The following CCDC30 variants were observed in gnomAD, a reference collection of about 807,000 sequenced individuals.
The protein encoded by CCDC30 is coiled-coil domain-containing protein 30.
CCDC30 carries 70 observed loss-of-function variants against 100.2 expected under a neutral mutation model. The observed-to-expected ratio is 0.70, with a 90% confidence interval of 0.58 to 0.85. The LOEUF is 0.85. Ranked by LOEUF, CCDC30 falls within the 40% of genes least tolerant of loss-of-function variation. CCDC30 has a pLI of 0.00. For missense variants in CCDC30, 652 were observed against 771.2 expected (o/e 0.85, Z 1.83); for synonymous variants, 233 against 269.5 (o/e 0.86, Z 1.33).
At chr1:42,608,399 G>T (rs895165615) in intron 10 of CCDC30, among the ~76,000 whole-genome samples, 2 of 152,174 alleles carry the variant, frequency 1.3e-5, no homozygotes, top group Non-Finnish European at 2.9e-5. Flanking sequence ...TATAGAAAAA[G>T]CTGTGAAAGC....
chr1:42,646,007 T>C, intron 14 of CCDC30, 128 bp from the exon 19 acceptor site: 12 of 1,256,596 alleles, frequency 9.5e-6, no homozygotes, highest in Non-Finnish European at 1.3e-5. Flanking sequence ...TGAATGAAGA[T>C]AAGAATGGTC....
intron 8 of CCDC30, among the ~76,000 whole-genome samples, chr1:42,580,460 G>T (rs1331662717): frequency 6.6e-6 from 1 of 152,106 alleles, no homozygotes; most frequent in Non-Finnish European, 1.5e-5. Context: ...TGTTGGGTCA[G>T]AAATATATTA....
intron 10 of CCDC30, among the ~76,000 whole-genome samples, chr1:42,606,037 A>T (rs1200368010): frequency 2.6e-5 from 4 of 152,222 alleles, no homozygotes; most frequent in African/African-American, 9.6e-5. Flanking sequence ...GTGAAAGCGT[A>T]TATGTAGATA....
intron 5 of CCDC30, 59 bp downstream of exon 5, chr1:42,497,272 C>A: frequency 1.0e-6 from 1 of 983,862 alleles, no homozygotes; most frequent in Non-Finnish European, 1.3e-6. Context: ...CAATCAACAG[C>A]ATAAGCAACA....
At chr1:42,637,701 C>T (rs989913502) in intron 12 of CCDC30, among the ~76,000 whole-genome samples, 2 of 152,198 alleles carry the variant, frequency 1.3e-5, no homozygotes, top group Non-Finnish European at 2.9e-5. Flanking sequence ...CTCATTTCTG[C>T]TTTGTGGAGC....
chr1:42,536,053 G>A (rs12561916), intron 6 of CCDC30, among the ~76,000 whole-genome samples: 60,525 of 151,314 alleles, frequency 0.4, 12,674 homozygotes, highest in East Asian at 0.6. Context: ...GGGGTCCTAG[G>A]AAAACAAAAT....
chr1:42,550,729 G>A (rs1000142128), intron 6 of CCDC30, among the ~76,000 whole-genome samples: 3 of 152,174 alleles, frequency 2.0e-5, no homozygotes. Flanking sequence ...ATTTGTTTGT[G>A]TGTTTGTTTC....
chr1:42,573,722 A>G lies in CCDC30; in HGVS notation c.637-3298A>G, dbSNP rs143920602. ...TGTTTTTATAGCTTTTTAAAAATAG[A>G]TATTTTATCCAAATGTACTTTAGAA... is the stretch of plus-strand genomic sequence containing the variant. On this transcript the variant is annotated intron_variant, in intron 7 of 16. Coordinates refer to ENST00000668663, the Ensembl canonical transcript of CCDC30. Among the ~76,000 whole-genome samples the G allele has an allele frequency of 1.1e-3, 172 of 152,208 alleles. 2 individuals carry two copies. The highest frequency in any genetic ancestry group is 3.8e-3 in the African/African-American group (160 of 41,582).
intron 2 of CCDC30, among the ~76,000 whole-genome samples, chr1:42,482,183 A>G (rs1394712486): frequency 8.7e-5 from 13 of 149,426 alleles, no homozygotes; most frequent in Non-Finnish European, 1.8e-4. Flanking sequence ...AGACTGTGCC[A>G]TTGCCCTCTA....
intron 1 of CCDC30, among the ~76,000 whole-genome samples, chr1:42,479,565 T>TAAAAAAAAAAAAAAAAAAAAAA (rs150749741): frequency 7.1e-6 from 1 of 139,952 alleles, no homozygotes; most frequent in African/African-American, 2.7e-5. Flanking sequence ...AGACATATGC[T>TAAAAAAAAAAAAAAAAAAAAAA]TAAAAAAAAA....
rs548498182 is a variant in CCDC30 at position 42,510,518 on chromosome 1, G to A, written c.456+11602G>A. ...CTAAAAATACAATAATTAGCTGGAT[G>A]TGGTGGCACACGCCTGTGGTCCCAG... is the stretch of plus-strand genomic sequence containing the variant. On this transcript the variant is annotated intron_variant, in intron 6 of 16. Coordinates refer to ENST00000668663, the Ensembl canonical transcript of CCDC30. Among the ~76,000 whole-genome samples, 75 of 152,220 alleles carry A rather than the reference G, an allele frequency of 4.9e-4. 1 individual carries two copies. Among genetic ancestry groups the A allele is most frequent in the African/African-American group, 1.7e-3 (69 of 41,538 alleles).
chr1:42,583,091 G>A (rs1353029132), intron 9 of CCDC30, among the ~76,000 whole-genome samples: 1 of 152,140 alleles, frequency 6.6e-6, no homozygotes, highest in Non-Finnish European at 1.5e-5. Context: ...TTGTAAATTG[G>A]TGTGGATGGT....
At chr1:42,569,625 G>T (rs949639475) in intron 7 of CCDC30, among the ~76,000 whole-genome samples, 1 of 152,278 alleles carries the variant, frequency 6.6e-6, no homozygotes, top group African/African-American at 2.4e-5. Flanking sequence ...CCCATTACTG[G>T]CTATACAGCC....
At chr1:42,624,315 G>T (rs1374407340) in intron 11 of CCDC30, among the ~76,000 whole-genome samples, 1 of 152,054 alleles carries the variant, frequency 6.6e-6, no homozygotes, top group Non-Finnish European at 1.5e-5. Context: ...TAATCATATG[G>T]TTTTTGTCCT....
At chr1:42,531,839 T>C (rs1644810779) in intron 6 of CCDC30, among the ~76,000 whole-genome samples, 1 of 152,226 alleles carries the variant, frequency 6.6e-6, no homozygotes, top group African/African-American at 2.4e-5. Context: ...ATGAGTCTCT[T>C]CAGTGTTGTA....
intron 11 of CCDC30, among the ~76,000 whole-genome samples, chr1:42,611,859 A>G (rs189933995): frequency 1.4e-4 from 22 of 152,152 alleles, no homozygotes; most frequent in South Asian, 2.1e-4. Context: ...TAATTTTTTT[A>G]TAGAGACAGG....
chr1:42,545,297 TTTATA>T (rs1329585799), intron 6 of CCDC30, 108 bp from the exon 9 acceptor site: 1 of 788,180 alleles, frequency 1.3e-6, no homozygotes, highest in Non-Finnish European at 1.9e-6. Flanking sequence ...AGGATGTCAT[TTTATA>T]TTATATAAGC....
rs140277845 is a variant in CCDC30, at chr1:42,562,103, T to G, written c.457-4193T>G. On this transcript the variant is annotated intron_variant, in intron 6 of 16. Coordinates refer to ENST00000668663, the Ensembl canonical transcript of CCDC30. ...CATTCTTCACAGAATTAGAAAAAACTATTTTAAATTTCATATGGAATCAAA... is the reference window on the plus strand; with the variant it reads ...CATTCTTCACAGAATTAGAAAAAACGATTTTAAATTTCATATGGAATCAAA... Among the ~76,000 whole-genome samples, 1,180 of 152,294 alleles carry G rather than the reference T, an allele frequency of 7.7e-3. 15 individuals are homozygous for G. Among genetic ancestry groups the G allele is most frequent in the African/African-American group, 0.027 (1,104 of 41,562 alleles).
chr1:42,511,750 C>G (rs1039367880), intron 6 of CCDC30, among the ~76,000 whole-genome samples: 2 of 152,030 alleles, frequency 1.3e-5, no homozygotes, highest in Admixed American at 1.3e-4. Flanking sequence ...CATTGTGCCT[C>G]ATGGAGAGGA....
Sources: gnomAD v4.1 joint callset for allele counts (sites outside exome capture counted in the v4.1 genomes callset) on GRCh38, gnomAD v4.1.1 for gene constraint, MANE v1.5 for transcripts, NCBI Gene and HGNC (gene_info 2026-07-23, HGNC 2026-07-21) for gene names.